H2AZ2: variants seen among roughly 807,000 people sequenced by gnomAD.
H2AZ2 encodes H2A.Z variant histone 2.
H2AZ2 carries 5 observed loss-of-function variants against 15.5 expected under a neutral mutation model. The ratio of observed to expected loss-of-function variants is 0.32; its 90% CI spans 0.17 to 0.68. H2AZ2 has a LOEUF of 0.68. Among genes scored for constraint, H2AZ2 ranks in the 30% least tolerant of loss-of-function variants. The pLI is 0.72. For synonymous variants in H2AZ2, 44 were observed against 57.4 expected (o/e 0.77, Z 1.05); for missense variants, 42 against 162.5 (o/e 0.26, Z 4.03).
chr7:44,844,008 G>A (rs1188311327), intron 1 of H2AZ2, among the ~76,000 whole-genome samples: 6 of 147,954 alleles, frequency 4.1e-5, no homozygotes, highest in African/African-American at 1.3e-4. Context: ...GAAATATTTA[G>A]AACTTAGCTC....
chr7:44,841,745 A>G (rs1793280622), intron 2 of H2AZ2, among the ~76,000 whole-genome samples: 1 of 152,188 alleles, frequency 6.6e-6, no homozygotes, highest in Non-Finnish European at 1.5e-5. Flanking sequence ...CTGGGATTAC[A>G]GGCATGAGCC....
intron 4 of H2AZ2, chr7:44,834,990 C>T: frequency 6.1e-6 from 1 of 162,662 alleles, no homozygotes; most frequent in Non-Finnish European, 1.4e-5. Context: ...ACCACGTTGG[C>T]CAGGCTGGTC....
At chr7:44,828,912 C>G (rs1792963291), downstream of H2AZ2, 1 of 152,228 alleles carries the variant, frequency 6.6e-6, no homozygotes, top group Non-Finnish European at 1.5e-5. Context: ...CCTCTATCTT[C>G]AAGTCAGCAA....
downstream of H2AZ2, chr7:44,827,232 T>A (rs994256087): frequency 3.3e-5 from 5 of 152,256 alleles, no homozygotes; most frequent in Non-Finnish European, 7.3e-5. Flanking sequence ...AATAAGCAGT[T>A]TTATTTTCAA....
chr7:44,846,855 A>G (rs1012230597), intron 1 of H2AZ2, among the ~76,000 whole-genome samples: 2 of 152,170 alleles, frequency 1.3e-5, no homozygotes, highest in East Asian at 1.9e-4. Flanking sequence ...GTTTTTTACA[A>G]TAACAATAAA....
chr7:44,835,681 A>AT, intron 3 of H2AZ2, 23 bp from the exon 4 acceptor site: 4 of 1,554,392 alleles, frequency 2.6e-6, no homozygotes, highest in Non-Finnish European at 3.5e-6. Flanking sequence ...CATGATTAGC[A>AT]TATCAAATGA....
rs1415805724 is a variant in H2AZ2, at chr7:44,833,555, T to C, written c.*946A>G. ...TGGCCGAGACGGCGTTTTACCATGT[T>C]GGCCAGGCTGGTCTCAAACTCCTGA... On this transcript the variant is annotated 3_prime_UTR_variant, in exon 5 of 5. Transcript: ENST00000308153. 1.1e-5 allele frequency: 4 copies of C among 363,126 alleles called. No individual in the cohort carries two copies. Among genetic ancestry groups the C allele is most frequent in the African/African-American group, 8.8e-5 (4 of 45,268 alleles). 22.5% of individuals were successfully genotyped at this position (363,126 alleles called of 1,614,324 possible).
At chr7:44,830,288 G>A (rs1297167528), downstream of H2AZ2, 1 of 909,328 alleles carries the variant, frequency 1.1e-6, no homozygotes, top group African/African-American at 1.7e-5. Context: ...TATAGGTGGT[G>A]AGTATAAGAA....
chr7:44,840,337 T>C (rs1275872369), intron 3 of H2AZ2, among the ~76,000 whole-genome samples: 1 of 152,196 alleles, frequency 6.6e-6, no homozygotes, highest in African/African-American at 2.4e-5. Context: ...TCTACCCACC[T>C]CAGCCGCCCA....
At chr7:44,846,026 C>CACACAT (rs1194664483) in intron 1 of H2AZ2, among the ~76,000 whole-genome samples, 5 of 34,480 alleles carry the variant, frequency 1.5e-4, no homozygotes, top group Non-Finnish European at 1.9e-4. Flanking sequence ...TAAAAAATTA[C>CACACAT]ACACACACAC....
chr7:44,835,682 T>C, intron 3 of H2AZ2, 24 bp from the exon 4 acceptor site: 1 of 1,553,776 alleles, frequency 6.4e-7, no homozygotes, highest in South Asian at 1.2e-5. Flanking sequence ...ATGATTAGCA[T>C]ATCAAATGAA....
chr7:44,847,290 T>A (rs1793434215), intron 1 of H2AZ2, among the ~76,000 whole-genome samples: 1 of 152,214 alleles, frequency 6.6e-6, no homozygotes, highest in Non-Finnish European at 1.5e-5. Context: ...ACACTCTTCT[T>A]ATCTAGATCT....
rs757315504 is a variant in H2AZ2 at position 44,847,950 on chromosome 7, C to T, written c.3+19G>A. ...GCTCTCCCAGGCCCCGTGCCCCCGG[C>T]CCACCCGGCCGCCCTTACCATGTTC... On this transcript the variant is annotated intron_variant, in intron 1 of 4. Coordinates refer to ENST00000308153, the MANE Select transcript of H2AZ2 (RefSeq NM_012412.5). 7.2e-5 allele frequency: 108 copies of T among 1,501,052 alleles called. No homozygotes were observed. Among genetic ancestry groups the T allele is most frequent in the Non-Finnish European group, 9.2e-5 (104 of 1,132,618 alleles). The allele number at this position is 1,501,052 out of a possible 1,614,324, so 93.0% of individuals were successfully genotyped here.
rs1000108789 is a variant in H2AZ2, at chr7:44,832,991, T to C, written c.*1510A>G. ...TTTCTTAGAAACTGATAAATAAATA[T>C]AATTTTTAAAAGATTGTACAAATTA... On this transcript the variant is annotated 3_prime_UTR_variant, in exon 5 of 5. Coordinates refer to ENST00000308153, the MANE Select transcript of H2AZ2 (RefSeq NM_012412.5). Among the ~76,000 whole-genome samples, 1 of 151,996 alleles carries C rather than the reference T, an allele frequency of 6.6e-6. No homozygotes were observed. The highest frequency in any genetic ancestry group is 2.4e-5 in the African/African-American group (1 of 41,390).
rs1793239658 is a variant in H2AZ2 at position 44,840,187 on chromosome 7, C to G, written c.195+712G>C. Among the ~76,000 whole-genome samples, 2 of 151,678 alleles carry G rather than the reference C, an allele frequency of 1.3e-5. 1 individual carries two copies. The highest frequency in any genetic ancestry group is 4.1e-4 in the South Asian group (2 of 4,822). ...TCCAGCCTAGGTGACAGAGTGAGAC[C>G]CAGTCTCAAAATAAAAAAATAAAAA... On this transcript the variant is annotated intron_variant, in intron 3 of 4. Coordinates refer to ENST00000308153, the MANE Select transcript of H2AZ2 (RefSeq NM_012412.5).
chr7:44,844,044 A>T (rs1583721074), intron 1 of H2AZ2, among the ~76,000 whole-genome samples: 1 of 21,464 alleles, frequency 4.7e-5, no homozygotes, highest in African/African-American at 7.4e-5. Context: ...ATGTTCCAAG[A>T]AAAAAAAAAA....
intron 1 of H2AZ2, 52 bp downstream of exon 1, chr7:44,847,917 C>A: frequency 2.0e-6 from 3 of 1,531,886 alleles, no homozygotes; most frequent in Non-Finnish European, 2.6e-6. Context: ...CCAGGGCCTC[C>A]GCGCTCTGCT....
intron 1 of H2AZ2, among the ~76,000 whole-genome samples, chr7:44,845,004 TA>T (rs1158259620): frequency 6.6e-6 from 1 of 152,148 alleles, no homozygotes; most frequent in Non-Finnish European, 1.5e-5. Context: ...TCTTTACTGT[TA>T]AAAAAAGAAA....
Position 44,843,262 on chromosome 7 carries a change from G to C in H2AZ2, c.81+15C>G. Reference sequence around the variant, plus strand: ...TAAAGAAAATAATAATGTAATGACAGCATGGATTCATTACCTGTAGCCCAG... The same window carrying C: ...TAAAGAAAATAATAATGTAATGACACCATGGATTCATTACCTGTAGCCCAG... On this transcript the variant is annotated intron_variant, in intron 2 of 4. Coordinates refer to ENST00000308153, the MANE Select transcript of H2AZ2 (RefSeq NM_012412.5). The C allele has an allele frequency of 6.5e-7, 1 of 1,533,516 alleles. No individual in the cohort carries two copies. 95.0% of individuals were successfully genotyped at this position (1,533,516 alleles called of 1,614,324 possible).
Sources: allele counts gnomAD v4.1 joint callset (sites outside exome capture counted in the v4.1 genomes callset), GRCh38; gene constraint gnomAD v4.1.1; transcripts MANE v1.5; gene names NCBI Gene and HGNC (gene_info 2026-07-23, HGNC 2026-07-21).